Variants in ADCY9 observed in about 807,000 individuals in gnomAD.
ADCY9 encodes the protein adenylate cyclase type 9.
ADCY9 carries 50 observed loss-of-function variants against 101.5 expected under a neutral mutation model. That is an observed-to-expected ratio of 0.49 (90% confidence interval 0.39 to 0.62). The LOEUF is 0.62. Ranked by LOEUF, ADCY9 falls within the 20% of genes least tolerant of loss-of-function variation. The probability of loss-of-function intolerance (pLI) is 0.00; values close to 1 mark genes in which losing one functional copy is unlikely to be tolerated. For missense variants in ADCY9, 1,662 were observed against 1,800.4 expected (o/e 0.92, Z 1.39); for synonymous variants, 905 against 769.3 (o/e 1.18, Z -2.92).
downstream of ADCY9, among the ~76,000 whole-genome samples, chr16:3,957,927 C>G (rs1235019537): frequency 6.6e-6 from 1 of 152,174 alleles, no homozygotes; most frequent in Non-Finnish European, 1.5e-5. Context: ...TCATCTCCCT[C>G]TCATCCTAGA....
chr16:4,011,385 G>A (rs906718613), intron 2 of ADCY9, among the ~76,000 whole-genome samples: 5 of 152,162 alleles, frequency 3.3e-5, no homozygotes, highest in East Asian at 1.9e-4. Flanking sequence ...GCAGGGGGGC[G>A]GGAGGAGAAA....
chr16:4,068,206 T>A (rs1465437432), intron 2 of ADCY9, among the ~76,000 whole-genome samples: 3 of 152,138 alleles, frequency 2.0e-5, no homozygotes, highest in African/African-American at 7.2e-5. Context: ...CTTTCCTCAC[T>A]TAAGTGCCTT....
Position 4,114,900 on chromosome 16 carries a change from C to G in ADCY9, c.543G>C (p.Leu181=). Residue 181 remains leucine, a synonymous_variant, in exon 2 of 11, where the codon CTG becomes CTC. Transcript: ENST00000294016. The surrounding 1 kb of genome is among the most constrained non-coding windows in gnomAD (Gnocchi z 4.3). The part of the protein sequence containing the change: ...HYAWTSLALT[L]LVFALTLAAQ... ...CAGCCAGGGTCAGGGCGAACACCAGCAGGGTGAGAGCCAGCGAGGTCCACG... is the reference window on the plus strand; with the variant it reads ...CAGCCAGGGTCAGGGCGAACACCAGGAGGGTGAGAGCCAGCGAGGTCCACG... 6.2e-7 allele frequency: 1 copy of G among 1,613,862 alleles called. No homozygotes were observed. Among genetic ancestry groups the G allele is most frequent in the Non-Finnish European group, 8.5e-7 (1 of 1,180,036 alleles).
chr16:4,103,523 G>A (rs60653998), intron 2 of ADCY9, among the ~76,000 whole-genome samples: 22,761 of 152,154 alleles, frequency 0.15, 1,961 homozygotes, highest in African/African-American at 0.24. Context: ...AAGGCAGACA[G>A]CTTCACTTAA....
intron 2 of ADCY9, among the ~76,000 whole-genome samples, chr16:4,053,689 C>T (rs924905257): frequency 0.12 from 17 of 144 alleles, no homozygotes; most frequent in East Asian, 0.33. Flanking sequence ...TTGGATGGCA[C>T]GGGGACCCGA....
rs1378222483 is a variant in ADCY9 at position 3,992,381 on chromosome 16, G to C, written c.1990-18C>G. The C allele has an allele frequency of 1.9e-6, 3 of 1,611,246 alleles. No individual in the cohort carries two copies. Among genetic ancestry groups the C allele is most frequent in the East Asian group, 2.2e-5 (1 of 44,842 alleles). ...CCAGAAGCCTGCCTCGAGACAAAGAGGACGCAGACACGGGAAGTGAAGTGG... is the reference window on the plus strand; with the variant it reads ...CCAGAAGCCTGCCTCGAGACAAAGACGACGCAGACACGGGAAGTGAAGTGG... On this transcript the variant is annotated intron_variant, in intron 4 of 10. Transcript: ENST00000294016. The surrounding 1 kb of genome is among the most constrained non-coding windows in gnomAD (Gnocchi z 4.2).
In ADCY9 at chr16:4,114,767, T is replaced by C; in HGVS notation, c.676A>G (p.Met226Val). Residue 226 changes from methionine to valine, a missense_variant, in exon 2 of 11, where the codon ATG (methionine) becomes GTG (valine). By Grantham distance (21) the Met-to-Val change is conservative. Transcript: ENST00000294016. This position sits in a 1 kb window ranked among gnomAD's most constrained non-coding sequence, Gnocchi z 4.3. ...TCLSQVGSFSMCIEVLFLLYT... is the reference protein window; with the variant it reads ...TCLSQVGSFSVCIEVLFLLYT... ...AGCAAAAAGAGCACTTCGATGCACA[T>C]GGAGAAGCTCCCCACTTGAGATAAG... The C allele has an allele frequency of 6.2e-7, 1 of 1,613,190 alleles. No homozygotes were observed. The highest frequency in any genetic ancestry group is 8.5e-7 in the Non-Finnish European group (1 of 1,180,028).
chr16:4,109,554 C>T (rs965216328), intron 2 of ADCY9, among the ~76,000 whole-genome samples: 1 of 152,194 alleles, frequency 6.6e-6, no homozygotes. Flanking sequence ...AAAGGCCCCT[C>T]ACCCATTCCT....
At chr16:4,071,332 CAAAAAAAAAA>C (rs530420293) in intron 2 of ADCY9, among the ~76,000 whole-genome samples, 16 of 70,528 alleles carry the variant, frequency 2.3e-4, no homozygotes, top group Middle Eastern at 0.01. Flanking sequence ...ACTCAGTCTC[CAAAAAAAAAA>C]AAAAAAAAAA....
intron 3 of ADCY9, among the ~76,000 whole-genome samples, chr16:3,994,983 G>T (rs2056275713): frequency 6.6e-6 from 1 of 152,102 alleles, no homozygotes; most frequent in Non-Finnish European, 1.5e-5. Context: ...GAGAAGGCAA[G>T]ATTTAATACA....
chr16:4,115,747 C>G lies in ADCY9; in HGVS notation c.-101G>C. ...GCCGTGGCTCCGGGACCGCTTTGCT[C>G]GCTCGCCTTCCGCGCCTCTCGCCCC... is the stretch of plus-strand genomic sequence containing the variant. On this transcript the variant is annotated 5_prime_UTR_variant, in exon 1 of 11. Coordinates refer to ENST00000294016, the MANE Select transcript of ADCY9 (RefSeq NM_001116.4). This position sits in a 1 kb window ranked among gnomAD's most constrained non-coding sequence, Gnocchi z 6.2. 2.4e-6 allele frequency: 1 copy of G among 409,170 alleles called. No homozygotes were observed. 25.3% of individuals were successfully genotyped at this position (409,170 alleles called of 1,614,324 possible). A position where few individuals can be genotyped will look rare whatever the true frequency, so the allele number is the denominator to read the frequency against.
intron 2 of ADCY9, among the ~76,000 whole-genome samples, chr16:4,038,706 C>G (rs1251028077): frequency 6.6e-6 from 1 of 152,038 alleles, no homozygotes; most frequent in African/African-American, 2.4e-5. Flanking sequence ...TCTCTCCTCT[C>G]TTCTCTCGGG....
At chr16:3,993,010 G>A (rs75355115) in intron 4 of ADCY9, among the ~76,000 whole-genome samples, 6,092 of 152,036 alleles carry the variant, frequency 0.04, 179 homozygotes, top group Admixed American at 0.071. Flanking sequence ...TCCTGCCACC[G>A]GCCCTAACTC....
intron 2 of ADCY9, among the ~76,000 whole-genome samples, chr16:4,108,141 C>T (rs112943148): frequency 4.6e-5 from 7 of 152,144 alleles, no homozygotes; most frequent in South Asian, 2.1e-4. Context: ...AATATTTACA[C>T]GGGAAAAGAA....
Position 3,965,635 on chromosome 16 carries a change from C to T in ADCY9, c.*140G>A, listed in dbSNP as rs1197416247. ...ATGAACCCTGAATAACTGTGATCCA[C>T]ACAGAAGTTAGGGCTGAAATGACCA... On this transcript the variant is annotated 3_prime_UTR_variant, in exon 11 of 11. Transcript: ENST00000294016. The T allele has an allele frequency of 2.7e-6, 2 of 739,436 alleles. No homozygotes were observed. The highest frequency in any genetic ancestry group is 4.4e-6 in the Non-Finnish European group (2 of 459,114). 45.8% of individuals were successfully genotyped at this position (739,436 alleles called of 1,614,324 possible). A position where few individuals can be genotyped will look rare whatever the true frequency, so the allele number is the denominator to read the frequency against.
chr16:3,974,280 G>A (rs1233784459), intron 10 of ADCY9, among the ~76,000 whole-genome samples: 16 of 152,236 alleles, frequency 1.1e-4, no homozygotes, highest in African/African-American at 2.9e-4. Context: ...TCCTGACCTC[G>A]TGATCCGCCC....
At chr16:3,994,153 T>A (rs924088914) in intron 3 of ADCY9, among the ~76,000 whole-genome samples, 2 of 152,094 alleles carry the variant, frequency 1.3e-5, no homozygotes, top group African/African-American at 4.8e-5. Flanking sequence ...ATAGGATTAG[T>A]GCCCTCATAA....
rs557064559 is a variant in ADCY9 at position 3,976,838 on chromosome 16, C to T, written c.2828+644G>A. ...ATGCCTGACTAATTTTTGTATTTTTCGTAGAGACGGGGTTTCACCATGTTG... is the reference window on the plus strand; with the variant it reads ...ATGCCTGACTAATTTTTGTATTTTTTGTAGAGACGGGGTTTCACCATGTTG... On this transcript the variant is annotated intron_variant, in intron 9 of 10. Coordinates refer to ENST00000294016, the MANE Select transcript of ADCY9 (RefSeq NM_001116.4). Among the ~76,000 whole-genome samples the T allele has an allele frequency of 8.1e-4, 124 of 152,150 alleles. 1 individual carries two copies. Among genetic ancestry groups the T allele is most frequent in the African/African-American group, 2.9e-3 (120 of 41,534 alleles).
At chr16:3,987,147 C>G (rs907373109) in intron 6 of ADCY9, among the ~76,000 whole-genome samples, 1 of 152,224 alleles carries the variant, frequency 6.6e-6, no homozygotes. Context: ...GAGGCAGGCT[C>G]AGGAGTTCCC....
Sources: allele counts gnomAD v4.1 joint callset (sites outside exome capture counted in the v4.1 genomes callset), GRCh38; gene constraint gnomAD v4.1.1; non-coding constraint Gnocchi (gnomAD v3.1); transcripts MANE v1.5; gene names NCBI Gene and HGNC (gene_info 2026-07-23, HGNC 2026-07-21).